The following EBF1 variants were observed in gnomAD, a reference collection of about 807,000 sequenced individuals.
EBF1 encodes the protein transcription factor COE1.
A neutral mutation model predicts 68.4 loss-of-function variants in EBF1; 10 were observed. The observed-to-expected ratio is 0.15, with a 90% CI of 0.09 to 0.25. The LOEUF (loss-of-function observed/expected upper bound fraction) is 0.25, where lower values mean the gene tolerates loss of function less well. Ranked by LOEUF, EBF1 falls within the 10% of genes least tolerant of loss-of-function variation. EBF1 has a pLI of 1.00. For missense variants in EBF1, 509 were observed against 794.4 expected, an observed-to-expected ratio of 0.64 and a Z score of 4.32; for synonymous variants, 298 against 299.8, an observed-to-expected ratio of 0.99 and a Z score of 0.06.
At chr5:158,975,872 A>T (rs1583600244) in intron 6 of EBF1, among the ~76,000 whole-genome samples, 1 of 152,364 alleles carries the variant, frequency 6.6e-6, no homozygotes, top group Non-Finnish European at 1.5e-5. Context: ...GGGTTTGATT[A>T]GGACAGCAAG....
At chr5:158,740,988 G>A (rs371592248) in intron 10 of EBF1, among the ~76,000 whole-genome samples, 423 of 152,220 alleles carry the variant, frequency 2.8e-3, no homozygotes, top group African/African-American at 9.4e-3. Flanking sequence ...ACTTAGATGC[G>A]AACAGCTTAA....
chr5:158,761,893 C>G (rs992819626), intron 10 of EBF1, among the ~76,000 whole-genome samples: 10 of 151,980 alleles, frequency 6.6e-5, no homozygotes, highest in African/African-American at 2.4e-4. Flanking sequence ...TATGTAAAAG[C>G]CTATGGAACT....
At chr5:158,832,642 T>C (rs79479698) in intron 7 of EBF1, among the ~76,000 whole-genome samples, 141 of 152,284 alleles carry the variant, frequency 9.3e-4, no homozygotes, top group African/African-American at 3.0e-3. Flanking sequence ...GAAGCACATA[T>C]TCTTATCCCT....
chr5:159,095,525 G>C, intron 4 of EBF1, 95 bp downstream of exon 4: 1 of 1,450,360 alleles, frequency 6.9e-7, no homozygotes, highest in Non-Finnish European at 9.5e-7. Context: ...TTTAGAGTTA[G>C]AGTCCCAGCC....
intron 6 of EBF1, among the ~76,000 whole-genome samples, chr5:159,066,346 C>T (rs1268219943): frequency 6.6e-6 from 1 of 152,112 alleles, no homozygotes; most frequent in African/African-American, 2.4e-5. Flanking sequence ...GCATGTCTAG[C>T]TCAGTCATGA....
intron 6 of EBF1, among the ~76,000 whole-genome samples, chr5:159,049,017 A>G (rs1283402598): frequency 6.6e-6 from 1 of 152,176 alleles, no homozygotes; most frequent in East Asian, 1.9e-4. Context: ...GGCATCCCAA[A>G]TTATTCATTT....
intron 5 of EBF1, among the ~76,000 whole-genome samples, chr5:159,076,809 TAC>T (rs1234384350): frequency 1.3e-5 from 2 of 152,076 alleles, no homozygotes; most frequent in South Asian, 4.1e-4. Flanking sequence ...AATATATATA[TAC>T]ACACACACAT....
intron 11 of EBF1, among the ~76,000 whole-genome samples, chr5:158,719,023 C>T (rs944106590): frequency 6.6e-5 from 10 of 152,128 alleles, no homozygotes; most frequent in African/African-American, 2.2e-4. Flanking sequence ...TTCTAAGATA[C>T]AGTTACTGAT....
At chr5:159,096,706 C>A (rs924848896) in intron 2 of EBF1, 4 of 605,306 alleles carry the variant, frequency 6.6e-6, no homozygotes, top group African/African-American at 1.9e-5. Flanking sequence ...TAGTGGAGGG[C>A]GGGTTCATTC....
At chr5:159,081,426 G>A (rs1009180912) in intron 5 of EBF1, among the ~76,000 whole-genome samples, 6 of 152,130 alleles carry the variant, frequency 3.9e-5, no homozygotes, top group African/African-American at 1.4e-4. Flanking sequence ...CGTATGTAAG[G>A]TTCAGGACTA....
chr5:158,965,360 A>T (rs1180230864), intron 6 of EBF1, among the ~76,000 whole-genome samples: 1 of 152,024 alleles, frequency 6.6e-6, no homozygotes, highest in East Asian at 1.9e-4. Context: ...TTTGGGAAAA[A>T]AAATGCTTGC....
intron 8 of EBF1, among the ~76,000 whole-genome samples, chr5:158,808,584 C>A (rs942535249): frequency 6.6e-6 from 1 of 152,086 alleles, no homozygotes; most frequent in Non-Finnish European, 1.5e-5. Context: ...TTTTTGAAAT[C>A]CTCAGTTTCT....
intron 14 of EBF1, among the ~76,000 whole-genome samples, 154 bp from the exon 15 acceptor site, chr5:158,708,327 A>T (rs1276484582): frequency 6.6e-6 from 1 of 152,138 alleles, no homozygotes; most frequent in Non-Finnish European, 1.5e-5. Flanking sequence ...GCTCTCATCC[A>T]CTTTCACTAT....
intron 5 of EBF1, among the ~76,000 whole-genome samples, chr5:159,084,022 A>G (rs560028683): frequency 2.6e-5 from 4 of 152,286 alleles, no homozygotes; most frequent in African/African-American, 9.6e-5. Flanking sequence ...GGCAAAAATA[A>G]AGACACTCAT....
intron 6 of EBF1, among the ~76,000 whole-genome samples, chr5:158,986,678 T>C (rs1759151550): frequency 6.6e-6 from 1 of 152,204 alleles, no homozygotes; most frequent in East Asian, 1.9e-4. Context: ...GCTACCCATT[T>C]GTGGACTTTT....
chr5:158,722,538 A>T (rs1762138628), intron 11 of EBF1, among the ~76,000 whole-genome samples: 1 of 152,212 alleles, frequency 6.6e-6, no homozygotes. Context: ...ATATTTTTGG[A>T]CGTATACTAT....
intron 6 of EBF1, among the ~76,000 whole-genome samples, chr5:158,999,839 A>T (rs1446537155): frequency 6.6e-6 from 1 of 152,230 alleles, no homozygotes; most frequent in Non-Finnish European, 1.5e-5. Context: ...TATTGTAAGA[A>T]TAATGGTATC....
At chr5:158,792,067 G>A (rs1383388751) in intron 9 of EBF1, among the ~76,000 whole-genome samples, 3 of 152,180 alleles carry the variant, frequency 2.0e-5, no homozygotes, top group South Asian at 2.1e-4. Context: ...AACCAAGTGC[G>A]GCTCTGGTCA....
intron 6 of EBF1, among the ~76,000 whole-genome samples, chr5:159,042,409 G>C (rs1036240528): frequency 1.3e-5 from 2 of 152,148 alleles, no homozygotes; most frequent in Non-Finnish European, 2.9e-5. Context: ...CCTTTCTCTT[G>C]CATCCCAGCC....
Sources: gnomAD v4.1 joint callset for allele counts (sites outside exome capture counted in the v4.1 genomes callset) on GRCh38, gnomAD v4.1.1 for gene constraint, MANE v1.5 for transcripts, NCBI Gene and HGNC (gene_info 2026-07-23, HGNC 2026-07-21) for gene names.